The following DEUP1 variants were observed in gnomAD, a reference collection of about 807,000 sequenced individuals.
DEUP1 encodes deuterosome assembly protein 1.
A neutral mutation model predicts 87.4 loss-of-function variants in DEUP1; 82 were observed. That is an observed-to-expected ratio of 0.94 (90% confidence interval 0.78 to 1.13). DEUP1 has a LOEUF of 1.13. DEUP1 is among the 50% of genes most tolerant of loss of function. The probability of loss-of-function intolerance (pLI) is 0.00; values close to 1 mark genes in which losing one functional copy is unlikely to be tolerated. For synonymous variants in DEUP1, 214 were observed against 222.7 expected (o/e 0.96, Z 0.35); for missense variants, 663 against 681.5 (o/e 0.97, Z 0.30).
At chr11:93,373,623 A>ATGTG (rs1565316282) in intron 7 of DEUP1, among the ~76,000 whole-genome samples, 26 of 106,864 alleles carry the variant, frequency 2.4e-4, no homozygotes, top group African/African-American at 7.8e-4. Context: ...GTATATATAT[A>ATGTG]CGTATATATA....
chr11:93,404,339 T>C (rs531652928), intron 11 of DEUP1, among the ~76,000 whole-genome samples: 1 of 152,212 alleles, frequency 6.6e-6, no homozygotes, highest in African/African-American at 2.4e-5. Flanking sequence ...AATTGTATTA[T>C]TAATTTTTCT....
In DEUP1 at chr11:93,357,088, T is replaced by A. The variant is rs200223015; in HGVS notation, c.297+45T>A. 317 of 1,192,306 alleles carry A rather than the reference T, an allele frequency of 2.7e-4. 1 individual carries two copies. The African/African-American group carries it at 4.3e-3, about 16-fold the overall frequency. The allele number at this position is 1,192,306 out of a possible 1,614,324, so 73.9% of individuals were successfully genotyped here. A position where few individuals can be genotyped will look rare whatever the true frequency, so the allele number is the denominator to read the frequency against. On this transcript the variant is annotated intron_variant, in intron 4 of 13. Transcript: ENST00000298050. ...TTTAATATCACACATTTTGATATAT[T>A]TTTTTTTACCTGTAGAGTTGTGTTA...
rs1267945497 is a variant in DEUP1 at position 93,389,107 on chromosome 11, T to C, written c.1023T>C (p.His341=). The part of the protein sequence containing the change: ...LFSVMQDQPN[H]EKELNKIRSQ... Reference sequence around the variant, plus strand: ...CAGTGATGCAAGATCAACCAAATCATGAAAAAGAATTGAACAAGGTATGAA... The same window carrying C: ...CAGTGATGCAAGATCAACCAAATCACGAAAAAGAATTGAACAAGGTATGAA... Residue 341 remains histidine, a synonymous_variant, in exon 9 of 14, where the codon CAT becomes CAC. Transcript: ENST00000298050. 2 of 1,590,050 alleles carry C rather than the reference T, an allele frequency of 1.3e-6. No homozygotes were observed. Among genetic ancestry groups the C allele is most frequent in the Non-Finnish European group, 1.7e-6 (2 of 1,165,718 alleles).
chr11:93,368,743 T>A (rs951940290), intron 5 of DEUP1, among the ~76,000 whole-genome samples: 2 of 152,128 alleles, frequency 1.3e-5, no homozygotes, highest in Non-Finnish European at 2.9e-5. Flanking sequence ...GAGACCAGCC[T>A]GACCAACATG....
chr11:93,349,295 C>T (rs1031932427), intron 2 of DEUP1, among the ~76,000 whole-genome samples: 1 of 151,826 alleles, frequency 6.6e-6, no homozygotes, highest in Non-Finnish European at 1.5e-5. Context: ...TACCATTGGA[C>T]CCCTCCTCTC....
At chr11:93,345,285 T>G (rs1025894708) in intron 2 of DEUP1, among the ~76,000 whole-genome samples, 1 of 152,248 alleles carries the variant, frequency 6.6e-6, no homozygotes, top group Non-Finnish European at 1.5e-5. Context: ...TGATTCGTTG[T>G]CTTTGCTATT....
At chr11:93,434,808 C>T (rs1948196487) in intron 13 of DEUP1, among the ~76,000 whole-genome samples, 2 of 152,170 alleles carry the variant, frequency 1.3e-5, no homozygotes, top group Non-Finnish European at 2.9e-5. Flanking sequence ...ATGTATTCTA[C>T]CCATTGGAAA....
intron 4 of DEUP1, among the ~76,000 whole-genome samples, chr11:93,362,207 C>A (rs562982905): frequency 3.3e-5 from 5 of 151,934 alleles, no homozygotes; most frequent in African/African-American, 1.2e-4. Context: ...AAAAATTAGA[C>A]AAATTTGATG....
intron 7 of DEUP1, among the ~76,000 whole-genome samples, chr11:93,378,683 T>C (rs1369693250): frequency 1.3e-5 from 2 of 150,724 alleles, no homozygotes; most frequent in Non-Finnish European, 2.9e-5. Flanking sequence ...GTTTTTCTGG[T>C]TCCTTCTTAT....
intron 13 of DEUP1, among the ~76,000 whole-genome samples, chr11:93,420,111 A>G (rs571363443): frequency 1.3e-5 from 2 of 152,332 alleles, no homozygotes; most frequent in Admixed American, 6.5e-5. Flanking sequence ...GACACAACCA[A>G]ATAAGAGAAT....
chr11:93,375,747 T>C (rs966507042), intron 7 of DEUP1, among the ~76,000 whole-genome samples: 1 of 152,162 alleles, frequency 6.6e-6, no homozygotes, highest in Non-Finnish European at 1.5e-5. Context: ...GTAGTTTTCT[T>C]TTTCTCTTAT....
At chr11:93,342,513 C>T (rs983862616) in intron 2 of DEUP1, among the ~76,000 whole-genome samples, 16 of 152,166 alleles carry the variant, frequency 1.1e-4, no homozygotes, top group Non-Finnish European at 1.9e-4. Context: ...TGGTCACCAT[C>T]AGGGATGTGT....
rs1330131272 is a variant in DEUP1 at position 93,394,554 on chromosome 11, G to A, written c.1137G>A (p.Gln379=). ...EISDLTEELH[Q]KEITIATVTK... Reference sequence around the variant, plus strand: ...CTGACCTAACAGAAGAGCTTCATCAGAAGGAGATCACTATAGCAACTGTCA... The same window carrying A: ...CTGACCTAACAGAAGAGCTTCATCAAAAGGAGATCACTATAGCAACTGTCA... Residue 379 remains glutamine (Q), a synonymous_variant, in exon 10 of 14, where the codon CAG becomes CAA. Coordinates refer to ENST00000298050, the MANE Select transcript of DEUP1 (RefSeq NM_181645.4). 3.1e-6 allele frequency: 5 copies of A among 1,613,042 alleles called. No individual in the cohort carries two copies. The highest frequency in any genetic ancestry group is 4.2e-6 in the Non-Finnish European group (5 of 1,179,442).
At chr11:93,435,168 C>T (rs1034135855) in intron 13 of DEUP1, among the ~76,000 whole-genome samples, 9 of 152,160 alleles carry the variant, frequency 5.9e-5, no homozygotes, top group Admixed American at 5.9e-4. Context: ...GATAAGCATA[C>T]AGCATTGCCC....
intron 7 of DEUP1, among the ~76,000 whole-genome samples, chr11:93,380,948 A>C (rs1946275587): frequency 6.6e-6 from 1 of 152,216 alleles, no homozygotes; most frequent in Non-Finnish European, 1.5e-5. Context: ...TGTAGAACTA[A>C]TGAAAAGATT....
rs534875787 is a variant in DEUP1, at chr11:93,396,359, A to G, written c.1326+34A>G. The G allele has an allele frequency of 3.9e-6, 5 of 1,295,272 alleles. No individual in the cohort carries two copies. In the East Asian group the frequency reaches 1.2e-4, roughly 32 times the overall value. 80.2% of individuals were successfully genotyped at this position (1,295,272 alleles called of 1,614,324 possible). On this transcript the variant is annotated intron_variant, in intron 11 of 13. Transcript: ENST00000298050. ...CTGACATCATTCAATAAATTGAACA[A>G]AGAGATTACTGAATTGGTCACGATT...
Position 93,437,633 on chromosome 11 carries a change from C to A in DEUP1, c.1729C>A (p.Leu577Ile), listed in dbSNP as rs769163934. The A allele has an allele frequency of 1.2e-6, 2 of 1,610,984 alleles. No individual in the cohort carries two copies. The highest frequency in any genetic ancestry group is 4.5e-5 in the East Asian group (2 of 44,864). Residue 577 changes from leucine (L) to isoleucine (I), a missense_variant, in exon 14 of 14, where the codon CTA becomes ATA. Transcript: ENST00000298050. ...EKRAKELEKL[L>I]NTHIDELQRH... ...ACGAGCAAAAGAACTTGAAAAACTTCTAAATACACATATTGATGAACTGCA... is the reference window on the plus strand; with the variant it reads ...ACGAGCAAAAGAACTTGAAAAACTTATAAATACACATATTGATGAACTGCA...
chr11:93,389,398 A>G (rs1156504690), intron 9 of DEUP1, among the ~76,000 whole-genome samples: 2 of 152,210 alleles, frequency 1.3e-5, no homozygotes, highest in Non-Finnish European at 2.9e-5. Flanking sequence ...TATAGCAAGA[A>G]AGTTGAGAGC....
At chr11:93,356,209 C>T (rs1417977590) in intron 3 of DEUP1, among the ~76,000 whole-genome samples, 6 of 152,112 alleles carry the variant, frequency 3.9e-5, no homozygotes, top group African/African-American at 7.2e-5. Context: ...AGTTATATAC[C>T]GTAACAAAAC....
Sources: gnomAD v4.1 joint callset for allele counts (sites outside exome capture counted in the v4.1 genomes callset) on GRCh38, gnomAD v4.1.1 for gene constraint, MANE v1.5 for transcripts, NCBI Gene and HGNC (gene_info 2026-07-23, HGNC 2026-07-21) for gene names.